Variants in ADGRB1 observed in about 807,000 individuals in gnomAD.
The protein encoded by ADGRB1 is brain-specific angiogenesis inhibitor 1.
Under a neutral mutation model 175.7 loss-of-function variants are expected in ADGRB1, and 36 were observed. The ratio of observed to expected loss-of-function variants is 0.20; its 90% CI spans 0.16 to 0.27. The LOEUF (loss-of-function observed/expected upper bound fraction) is 0.27, where lower values mean the gene tolerates loss of function less well. Among genes scored for constraint, ADGRB1 ranks in the 10% least tolerant of loss-of-function variants. The pLI is 1.00. For missense variants in ADGRB1, 1,731 were observed against 2,255.3 expected (o/e 0.77, Z 4.71); for synonymous variants, 1,054 against 979.4 (o/e 1.08, Z -1.42).
chr8:142,508,404 C>A (rs1842936793), intron 17 of ADGRB1, among the ~76,000 whole-genome samples: 1 of 152,156 alleles, frequency 6.6e-6, no homozygotes, highest in Non-Finnish European at 1.5e-5. Flanking sequence ...AACCCTCTGG[C>A]CAGGATGTAG....
chr8:142,479,923 G>A (rs544440442), intron 9 of ADGRB1, 129 bp downstream of exon 9: 14 of 1,055,088 alleles, frequency 1.3e-5, no homozygotes, highest in East Asian at 1.3e-4. Context: ...GTGTGCTGGC[G>A]CGGGGTGGTG....
At chr8:142,479,235 G>A in intron 7 of ADGRB1, 88 bp from the exon 8 acceptor site, 2 of 1,360,606 alleles carry the variant, frequency 1.5e-6, no homozygotes, top group Non-Finnish European at 1.9e-6. Context: ...CTCTGTGTGG[G>A]TCCCTGTCTT....
At chr8:142,459,438 G>A (rs1839855239) in intron 1 of ADGRB1, among the ~76,000 whole-genome samples, 1 of 152,162 alleles carries the variant, frequency 6.6e-6, no homozygotes, top group South Asian at 2.1e-4. Context: ...CTGCCCCAGG[G>A]TGGAGCCATT....
At chr8:142,485,641 C>T (rs1054509478) in intron 13 of ADGRB1, among the ~76,000 whole-genome samples, 2 of 152,216 alleles carry the variant, frequency 1.3e-5, no homozygotes, top group African/African-American at 4.8e-5. Context: ...CACACACACC[C>T]TGGGGCCTTG....
chr8:142,535,919 G>C (rs919472584), intron 25 of ADGRB1, among the ~76,000 whole-genome samples: 1 of 152,184 alleles, frequency 6.6e-6, no homozygotes, highest in African/African-American at 2.4e-5. Flanking sequence ...TGAGACCCTG[G>C]TTTCCAGGCC....
chr8:142,521,219 T>C (rs1314097012), intron 20 of ADGRB1, among the ~76,000 whole-genome samples: 1 of 152,164 alleles, frequency 6.6e-6, no homozygotes, highest in African/African-American at 2.4e-5. Context: ...GGCAGTGGAC[T>C]CGGCCTCAGC....
Position 142,543,530 on chromosome 8 carries a change from C to T in ADGRB1, c.4450-71C>T, listed in dbSNP as rs144317449. 3.0e-4 allele frequency: 477 copies of T among 1,595,326 alleles called. 2 individuals carry two copies. Among genetic ancestry groups the T allele is most frequent in the African/African-American group, 1.4e-3 (108 of 74,502 alleles). On this transcript the variant is annotated intron_variant, in intron 29 of 30. Transcript: ENST00000517894. This position sits in a 1 kb window ranked among gnomAD's most constrained non-coding sequence, Gnocchi z 4.4. ...AGGCAGCTCCCCGGCAGCCAGGGGACGGGCGGGGCAGGCAGGATGGGCCAT... is the reference window on the plus strand; with the variant it reads ...AGGCAGCTCCCCGGCAGCCAGGGGATGGGCGGGGCAGGCAGGATGGGCCAT...
intron 16 of ADGRB1, 151 bp from the exon 17 acceptor site, chr8:142,490,621 C>G: frequency 1.1e-6 from 1 of 876,676 alleles, no homozygotes; most frequent in East Asian, 2.8e-5. Context: ...CCACCCTGGA[C>G]TCAGTTTCCT....
chr8:142,468,617 G>A (rs1459848611), intron 2 of ADGRB1, among the ~76,000 whole-genome samples: 1 of 152,234 alleles, frequency 6.6e-6, no homozygotes, highest in East Asian at 1.9e-4. Context: ...ATAGGCTCCT[G>A]TGGAGGCACG....
In ADGRB1 at chr8:142,477,057, C is replaced by T. The variant is rs192560114; in HGVS notation, c.1058-57C>T. ...GCCCTCCTGCTGCGGGGTCTGGCCC[C>T]GGTCTGACTGCAGCCCCATGGGCGG... On this transcript the variant is annotated intron_variant, in intron 4 of 30. Transcript: ENST00000517894. 9,473 of 1,454,628 alleles carry T rather than the reference C, an allele frequency of 6.5e-3. 59 individuals carry two copies. The highest frequency in any genetic ancestry group is 7.9e-3 in the Admixed American group (326 of 41,468). The allele number at this position is 1,454,628 out of a possible 1,614,324, so 90.1% of individuals were successfully genotyped here. A position where few individuals can be genotyped will look rare whatever the true frequency, so the allele number is the denominator to read the frequency against.
chr8:142,457,241 CT>C (rs1339484045), intron 1 of ADGRB1, among the ~76,000 whole-genome samples: 1 of 152,206 alleles, frequency 6.6e-6, no homozygotes, highest in East Asian at 1.9e-4. Flanking sequence ...GTCGGTCCCT[CT>C]GGGCCTGTAT....
At position 142,474,330 on chromosome 8, in the gene ADGRB1, C is replaced by T. The variant is rs1321135876; in HGVS notation, c.785-1144C>T. Reference sequence around the variant, plus strand: ...TCCCCAGTGGCAGCGGCCCCAGCTCCATGGTGGGTCCCCTCGTGGTGGCCG... The same window carrying T: ...TCCCCAGTGGCAGCGGCCCCAGCTCTATGGTGGGTCCCCTCGTGGTGGCCG... On this transcript the variant is annotated intron_variant, in intron 2 of 30. Transcript: ENST00000517894. The surrounding 1 kb of genome is among the most constrained non-coding windows in gnomAD (Gnocchi z 5.8). 2.0e-5 allele frequency among the ~76,000 whole-genome samples: 3 copies of T among 152,166 alleles called. No homozygotes were observed. The highest frequency in any genetic ancestry group is 4.4e-5 in the Non-Finnish European group (3 of 68,016).
At chr8:142,470,642 CAG>C (rs1840612545) in intron 2 of ADGRB1, among the ~76,000 whole-genome samples, 1 of 152,248 alleles carries the variant, frequency 6.6e-6, no homozygotes, top group Admixed American at 6.5e-5. Flanking sequence ...TGTGTGCCCA[CAG>C]GGAGTGGGTA....
chr8:142,514,300 G>A (rs1184090814), intron 18 of ADGRB1, among the ~76,000 whole-genome samples: 1 of 152,040 alleles, frequency 6.6e-6, no homozygotes, highest in Non-Finnish European at 1.5e-5. Flanking sequence ...AGCGAGGGGA[G>A]GTGAGACCCA....
chr8:142,524,184 T>TCTCTGCACGCCC, intron 22 of ADGRB1, 54 bp from the exon 23 acceptor site: 1 of 1,557,840 alleles, frequency 6.4e-7, no homozygotes, highest in Non-Finnish European at 8.7e-7. Flanking sequence ...CGGCAGCACC[T>TCTCTGCACGCCC]CTCTGCACGC....
chr8:142,477,619 C>G, intron 6 of ADGRB1, 70 bp downstream of exon 6: 1 of 1,531,340 alleles, frequency 6.5e-7, no homozygotes, highest in East Asian at 2.3e-5. Flanking sequence ...GGCCACCGGC[C>G]AGGCCCAGGA....
At chr8:142,523,981 G>A (rs1256258478) in intron 22 of ADGRB1, among the ~76,000 whole-genome samples, 1 of 152,142 alleles carries the variant, frequency 6.6e-6, no homozygotes, top group Non-Finnish European at 1.5e-5. Context: ...CCCCTGCTGT[G>A]TGGCTCTAAG....
chr8:142,507,150 A>G (rs1842886653), intron 17 of ADGRB1, among the ~76,000 whole-genome samples: 1 of 152,224 alleles, frequency 6.6e-6, no homozygotes, highest in Non-Finnish European at 1.5e-5. Context: ...GCAGAAATCA[A>G]ATGATAAACT....
intron 11 of ADGRB1, among the ~76,000 whole-genome samples, chr8:142,482,833 G>T (rs1397051319): frequency 1.3e-5 from 2 of 149,300 alleles, no homozygotes; most frequent in Non-Finnish European, 3.0e-5. Context: ...CACATGCTGA[G>T]CCCTAATCCT....
Sources: allele counts gnomAD v4.1 joint callset (sites outside exome capture counted in the v4.1 genomes callset), GRCh38; gene constraint gnomAD v4.1.1; non-coding constraint Gnocchi (gnomAD v3.1); transcripts MANE v1.5; gene names NCBI Gene and HGNC (gene_info 2026-07-23, HGNC 2026-07-21).